Variants in DACH2 observed in about 807,000 individuals in gnomAD.
DACH2 encodes the protein dachshund homolog 2.
DACH2 carries 17 observed loss-of-function variants against 35.8 expected under a neutral mutation model. The observed-to-expected ratio is 0.48, with a 90% CI of 0.33 to 0.71. The LOEUF (loss-of-function observed/expected upper bound fraction) is 0.71. Among genes scored for constraint, DACH2 ranks in the 30% least tolerant of loss-of-function variants. The pLI, the probability that DACH2 is intolerant of heterozygous loss-of-function variation, is 0.02. For synonymous variants in DACH2, 195 were observed against 177.3 expected (o/e 1.10, Z -0.79); for missense variants, 469 against 472.7 (o/e 0.99, Z 0.07).
chrX:86,546,321 TTCTTCTTCTTCTTCTTCC>T (rs1569435569), intron 3 of DACH2, among the ~76,000 whole-genome samples: 1 of 77,823 alleles, frequency 1.3e-5, no homozygotes, highest in Non-Finnish European at 2.4e-5. Flanking sequence ...TCCTACCTCT[TTCTTCTTCTTCTTCTTCC>T]TCTTCTTCTT....
intron 1 of DACH2, among the ~76,000 whole-genome samples, chrX:86,278,795 T>G (rs2033967059): frequency 9.0e-6 from 1 of 111,729 alleles, no homozygotes; most frequent in Non-Finnish European, 1.9e-5. Context: ...TCCACTGGCT[T>G]GAAATTCTCG....
chrX:86,537,256 A>G (rs1602621628), intron 3 of DACH2, among the ~76,000 whole-genome samples: 1 of 111,370 alleles, frequency 9.0e-6, no homozygotes, highest in African/African-American at 3.3e-5. Context: ...TGTTTAGCAA[A>G]GACTTGAGGT....
At chrX:86,163,983 G>A (rs932612424) in intron 1 of DACH2, among the ~76,000 whole-genome samples, 6 of 111,616 alleles carry the variant, frequency 5.4e-5, no homozygotes, top group African/African-American at 6.5e-5. Context: ...TCTGCTTTTC[G>A]CTCTTTGAGG....
At chrX:86,392,033 T>A (rs781617791) in intron 2 of DACH2, among the ~76,000 whole-genome samples, 137 of 111,186 alleles carry the variant, frequency 1.2e-3, no homozygotes, top group African/African-American at 4.2e-3. Flanking sequence ...GGGGCAGGTT[T>A]GTTACATAAG....
chrX:86,243,007 G>A, intron 1 of DACH2, among the ~76,000 whole-genome samples: 1 of 111,708 alleles, frequency 9.0e-6, no homozygotes, highest in Non-Finnish European at 1.9e-5. Context: ...CCAGTCTCAG[G>A]TAGTTCTTTA....
chrX:86,420,329 T>A (rs2036780962), intron 2 of DACH2, among the ~76,000 whole-genome samples: 1 of 112,352 alleles, frequency 8.9e-6, no homozygotes, highest in African/African-American at 3.2e-5. Flanking sequence ...TAATCACTGA[T>A]GACTTTATTG....
intron 1 of DACH2, among the ~76,000 whole-genome samples, chrX:86,200,283 C>G (rs188868019): frequency 9.0e-6 from 1 of 111,206 alleles, no homozygotes; most frequent in Admixed American, 9.7e-5. Context: ...CTAAAATCAA[C>G]TCAAGATGGA....
At chrX:86,445,581 A>G (rs1156408405) in intron 2 of DACH2, among the ~76,000 whole-genome samples, 1 of 101,643 alleles carries the variant, frequency 9.8e-6, no homozygotes, top group African/African-American at 3.7e-5. Flanking sequence ...AAAAAAAAAA[A>G]GAAATTTTTA....
At chrX:86,251,449 A>G (rs765016058) in intron 1 of DACH2, among the ~76,000 whole-genome samples, 19 of 110,614 alleles carry the variant, frequency 1.7e-4, no homozygotes, top group Admixed American at 2.9e-4. Context: ...CCCAAGCAGT[A>G]TACACTGAAC....
chrX:86,412,221 T>G (rs1048236581), intron 2 of DACH2, among the ~76,000 whole-genome samples: 2 of 111,245 alleles, frequency 1.8e-5, no homozygotes, highest in Non-Finnish European at 3.8e-5. Flanking sequence ...CAGCTGGAAC[T>G]AAGACCTCTA....
At chrX:86,594,193 C>G (rs965759169) in intron 3 of DACH2, among the ~76,000 whole-genome samples, 1 of 110,763 alleles carries the variant, frequency 9.0e-6, no homozygotes, top group African/African-American at 3.3e-5. Flanking sequence ...GTAATGATAA[C>G]TGTCTTCTCA....
At chrX:86,211,133 C>A (rs992580254) in intron 1 of DACH2, among the ~76,000 whole-genome samples, 2 of 110,950 alleles carry the variant, frequency 1.8e-5, no homozygotes, top group Non-Finnish European at 3.8e-5. Context: ...TTCTGATGAG[C>A]CACAGAAAAG....
rs769397281 is a variant in DACH2, at chrX:86,639,990, G to A, written c.641-11046G>A. ...CCCTGGGATAAATCTCCCAGAGGGA[G>A]GGACAGGCTATCATCTTTGCTGTTT... is the stretch of plus-strand genomic sequence containing the variant. On this transcript the variant is annotated intron_variant, in intron 3 of 11. Transcript: ENST00000373125. Among the ~76,000 whole-genome samples the A allele has an allele frequency of 9.7e-4, 108 of 111,514 alleles. 1 individual carries two copies. The highest frequency in any genetic ancestry group is 1.5e-3 in the Non-Finnish European group (82 of 53,039).
At chrX:86,365,433 T>G (rs7049711) in intron 1 of DACH2, among the ~76,000 whole-genome samples, 6,582 of 110,573 alleles carry the variant, frequency 0.06, 491 homozygotes, top group African/African-American at 0.2. Context: ...GAAGGACATT[T>G]CAGTTGGAGG....
At chrX:86,254,807 T>TATATATATATATATAGAG (rs1380613474) in intron 1 of DACH2, among the ~76,000 whole-genome samples, 6 of 49,632 alleles carry the variant, frequency 1.2e-4, no homozygotes, top group East Asian at 8.3e-4. Context: ...TATATATATA[T>TATATATATATATATAGAG]AGAGAGAGAG....
At chrX:86,683,388 A>G (rs761446767) in intron 4 of DACH2, among the ~76,000 whole-genome samples, 26 of 111,732 alleles carry the variant, frequency 2.3e-4, no homozygotes, top group African/African-American at 6.8e-4. Context: ...AGAACAGGCT[A>G]TATATAGTTG....
At chrX:86,656,857 G>GTGTGTGTATATATATA (rs1333268452) in intron 4 of DACH2, among the ~76,000 whole-genome samples, 38 of 66,743 alleles carry the variant, frequency 5.7e-4, no homozygotes, top group African/African-American at 2.5e-3. Context: ...GTGTGTGTGT[G>GTGTGTGTATATATATA]TATATATATA....
At chrX:86,699,511 A>G (rs1405875058) in intron 5 of DACH2, among the ~76,000 whole-genome samples, 2 of 111,324 alleles carry the variant, frequency 1.8e-5, no homozygotes, top group Non-Finnish European at 1.9e-5. Flanking sequence ...AGATCTCGTG[A>G]GACTTATTCG....
intron 1 of DACH2, among the ~76,000 whole-genome samples, chrX:86,307,475 T>A (rs1170201730): frequency 9.0e-6 from 1 of 111,398 alleles, no homozygotes; most frequent in Non-Finnish European, 1.9e-5. Context: ...GTTTGTAAAT[T>A]CTGATGAAGC....
Sources: gnomAD v4.1 joint callset for allele counts (sites outside exome capture counted in the v4.1 genomes callset) on GRCh38, gnomAD v4.1.1 for gene constraint, MANE v1.5 for transcripts, NCBI Gene and HGNC (gene_info 2026-07-23, HGNC 2026-07-21) for gene names.